The following ADAMTSL3 variants were observed in gnomAD, a reference collection of about 807,000 sequenced individuals.
ADAMTSL3 encodes ADAMTS-like protein 3.
A neutral mutation model predicts 201.7 loss-of-function variants in ADAMTSL3; 128 were observed. The observed-to-expected ratio is 0.63, with a 90% CI of 0.55 to 0.73. ADAMTSL3 has a LOEUF of 0.73. ADAMTSL3 is among the 30% of genes least tolerant of loss of function. The probability of loss-of-function intolerance (pLI) is 0.00; values close to 1 mark genes in which losing one functional copy is unlikely to be tolerated. For missense variants in ADAMTSL3, 1,990 were observed against 2,119.6 expected (o/e 0.94, Z 1.20); for synonymous variants, 738 against 748.4 (o/e 0.99, Z 0.23).
chr15:83,970,731 T>C, intron 20 of ADAMTSL3, 94 bp downstream of exon 20: 4 of 1,499,860 alleles, frequency 2.7e-6, no homozygotes, highest in East Asian at 2.3e-5. Context: ...AGATTTCTAA[T>C]CTGTGGGTAA....
chr15:83,835,442 T>C (rs1206762336), intron 6 of ADAMTSL3, among the ~76,000 whole-genome samples: 1 of 152,088 alleles, frequency 6.6e-6, no homozygotes, highest in African/African-American at 2.4e-5. Flanking sequence ...TAAAAAAAAT[T>C]ATGAAGCAAA....
chr15:83,706,643 T>A (rs2061855652), intron 3 of ADAMTSL3, among the ~76,000 whole-genome samples: 1 of 152,082 alleles, frequency 6.6e-6, no homozygotes, highest in Admixed American at 6.6e-5. Context: ...TCCTCTTTTT[T>A]CTTTTCTTTT....
chr15:83,771,545 T>A (rs2062984499), intron 3 of ADAMTSL3, among the ~76,000 whole-genome samples: 1 of 152,252 alleles, frequency 6.6e-6, no homozygotes, highest in Non-Finnish European at 1.5e-5. Context: ...GCAGTATTTG[T>A]CTTTTGTGAC....
At chr15:83,936,510 GAAC>G (rs1414172574) in intron 17 of ADAMTSL3, among the ~76,000 whole-genome samples, 1 of 150,786 alleles carries the variant, frequency 6.6e-6, no homozygotes, top group African/African-American at 2.5e-5. Flanking sequence ...TAGACATACT[GAAC>G]AACTGTAGAC....
intron 23 of ADAMTSL3, among the ~76,000 whole-genome samples, chr15:84,011,061 T>C (rs1387021896): frequency 6.6e-6 from 1 of 152,216 alleles, no homozygotes; most frequent in Non-Finnish European, 1.5e-5. Context: ...TTTACCATTA[T>C]ATCCTTAGCA....
At position 84,037,782 on chromosome 15, in the gene ADAMTSL3, C is replaced by G. The variant is rs770009769; in HGVS notation, c.5052C>G (p.Cys1684Trp). The change falls in exon 30 of 30, where the codon TGC becomes TGG. Residue 1684 changes from cysteine to tryptophan, a missense_variant. Cys to Trp is a radical substitution (Grantham distance 215). Transcript: ENST00000286744. ...LCSLDRYKQRCCQSCQEG is the reference protein window; with the variant it reads ...LCSLDRYKQRWCQSCQEG ...CTCTAGACCGCTACAAACAAAGGTG[C>G]TGCCAGTCATGTCAAGAGGGATAAA... is the stretch of plus-strand genomic sequence containing the variant. 1.9e-6 allele frequency: 3 copies of G among 1,613,904 alleles called. No homozygotes were observed. Among genetic ancestry groups the G allele is most frequent in the Non-Finnish European group, 2.5e-6 (3 of 1,179,954 alleles).
intron 26 of ADAMTSL3, among the ~76,000 whole-genome samples, chr15:84,022,071 G>A (rs1318866786): frequency 6.6e-6 from 1 of 152,102 alleles, no homozygotes; most frequent in Non-Finnish European, 1.5e-5. Flanking sequence ...ATACAAATCA[G>A]TAATTTTTAA....
chr15:83,821,095 A>C (rs929328670), intron 6 of ADAMTSL3, among the ~76,000 whole-genome samples: 1 of 152,022 alleles, frequency 6.6e-6, no homozygotes, highest in Non-Finnish European at 1.5e-5. Context: ...AAAATTAAAA[A>C]GACACTATGA....
At chr15:83,766,932 G>A (rs1427934910) in intron 3 of ADAMTSL3, among the ~76,000 whole-genome samples, 2 of 151,898 alleles carry the variant, frequency 1.3e-5, no homozygotes, top group Non-Finnish European at 2.9e-5. Flanking sequence ...CTGTCTCTAC[G>A]AAAATACAAA....
rs1169752987 is a variant in ADAMTSL3, at chr15:83,899,459, T to A, written c.1616-188T>A. On this transcript the variant is annotated intron_variant, in intron 14 of 29. Coordinates refer to ENST00000286744, the MANE Select transcript of ADAMTSL3 (RefSeq NM_207517.3). Reference sequence around the variant, plus strand: ...TTGCATTTTAATAATGTATTAATTTTTTTAATATACAGCAGAAGTGTTTAA... The same window carrying A: ...TTGCATTTTAATAATGTATTAATTTATTTAATATACAGCAGAAGTGTTTAA... 3.3e-5 allele frequency among the ~76,000 whole-genome samples: 5 copies of A among 152,318 alleles called. No homozygotes were observed. In the East Asian group the frequency reaches 9.6e-4, roughly 29 times the overall value.
intron 4 of ADAMTSL3, 33 bp from the exon 5 acceptor site, chr15:83,804,617 T>TA (rs2063575150): frequency 1.5e-6 from 2 of 1,354,790 alleles, no homozygotes; most frequent in East Asian, 4.8e-5. Flanking sequence ...ATGAAATCAT[T>TA]ATTTCTTCTT....
intron 19 of ADAMTSL3, among the ~76,000 whole-genome samples, chr15:83,967,239 G>A (rs1198127437): frequency 6.6e-6 from 1 of 152,136 alleles, no homozygotes; most frequent in East Asian, 1.9e-4. Context: ...AAGTCAAATT[G>A]TCTCTGTTTG....
intron 5 of ADAMTSL3, among the ~76,000 whole-genome samples, chr15:83,811,444 A>G (rs1010950423): frequency 6.6e-6 from 1 of 152,230 alleles, no homozygotes; most frequent in East Asian, 1.9e-4. Context: ...ACTCTGCTCT[A>G]GCTAATTCCA....
At chr15:83,989,520 A>G (rs2067546498) in intron 22 of ADAMTSL3, among the ~76,000 whole-genome samples, 1 of 152,254 alleles carries the variant, frequency 6.6e-6, no homozygotes, top group Non-Finnish European at 1.5e-5. Context: ...ATTATCTTTT[A>G]TAGATTGCAA....
chr15:83,680,306 CTTT>C (rs1405091976), intron 2 of ADAMTSL3, among the ~76,000 whole-genome samples: 2 of 152,062 alleles, frequency 1.3e-5, no homozygotes, highest in African/African-American at 4.8e-5. Flanking sequence ...CTTTTCTCTT[CTTT>C]TTACTTTTCA....
Position 83,747,309 on chromosome 15 carries a change from T to A in ADAMTSL3, c.190-26214T>A, listed in dbSNP as rs146684407. On this transcript the variant is annotated intron_variant, in intron 3 of 29. Transcript: ENST00000286744. ...CTTTCCTCTGCTGCTCGTCTTTCAC[T>A]TTCTCTTTCCTCACTTGGGAAGAGT... Among the ~76,000 whole-genome samples the A allele has an allele frequency of 1.2e-3, 182 of 152,346 alleles. 3 individuals carry two copies. In the East Asian group the frequency reaches 0.033, roughly 28 times the overall value.
In ADAMTSL3 at chr15:84,037,925, C is replaced by G. The variant is rs2068540788; in HGVS notation, c.*119C>G. 5.0e-6 allele frequency: 7 copies of G among 1,400,812 alleles called. No homozygotes were observed. In the Admixed American group the frequency reaches 1.9e-4, roughly 37 times the overall value. 86.8% of individuals were successfully genotyped at this position (1,400,812 alleles called of 1,614,324 possible). On this transcript the variant is annotated 3_prime_UTR_variant, in exon 30 of 30. Transcript: ENST00000286744. ...AAAAGACTAGATTCTATGGATCAAA[C>G]AGAGGTTGATGCAAAAACACCACTG...
At chr15:83,870,713 A>C in intron 8 of ADAMTSL3, 89 bp from the exon 9 acceptor site, 1 of 1,096,326 alleles carries the variant, frequency 9.1e-7, no homozygotes, top group Non-Finnish European at 1.3e-6. Flanking sequence ...TTTTGATATC[A>C]TATACTGACA....
intron 8 of ADAMTSL3, among the ~76,000 whole-genome samples, chr15:83,869,677 C>T (rs182337034): frequency 2.0e-5 from 3 of 152,152 alleles, no homozygotes; most frequent in African/African-American, 4.8e-5. Flanking sequence ...TAATGCTGGA[C>T]GATTTTGTTG....
Sources: gnomAD v4.1 joint callset for allele counts (sites outside exome capture counted in the v4.1 genomes callset) on GRCh38, gnomAD v4.1.1 for gene constraint, MANE v1.5 for transcripts, NCBI Gene and HGNC (gene_info 2026-07-23, HGNC 2026-07-21) for gene names.